The following GSE1 variants were observed in gnomAD, a reference collection of about 807,000 sequenced individuals.
GSE1 encodes the protein genetic suppressor element 1.
A neutral mutation model predicts 112.6 loss-of-function variants in GSE1; 32 were observed. The observed-to-expected ratio is 0.28, with a 90% CI of 0.21 to 0.38. The LOEUF is 0.38. GSE1 is among the 10% of genes least tolerant of loss of function. The pLI, the probability that GSE1 is intolerant of heterozygous loss-of-function variation, is 1.00. For synonymous variants in GSE1, 1,115 were observed against 735.6 expected, an observed-to-expected ratio of 1.52 and a Z score of -8.35; for missense variants, 2,348 against 1,699.2, an observed-to-expected ratio of 1.38 and a Z score of -6.71.
In GSE1 at chr16:85,520,551, A is replaced by G. The variant is rs563271155; in HGVS notation, c.2465-113363A>G. ...ATTCTCCTGCCTCAGCCTCCCAGGT[A>G]GCTGGGATTACAGGCGCCCACCACC... On this transcript the variant is annotated intron_variant, in intron 2 of 2. Transcript: ENST00000637419. Among the ~76,000 whole-genome samples, 5 of 151,364 alleles carry G rather than the reference A, an allele frequency of 3.3e-5. No homozygotes were observed. The East Asian group carries it at 5.8e-4, about 18-fold the overall frequency.
At chr16:85,199,479 AAC>A (rs538882442) in intron 1 of GSE1, among the ~76,000 whole-genome samples, 329 of 152,236 alleles carry the variant, frequency 2.2e-3, no homozygotes, top group African/African-American at 7.6e-3. Context: ...TTAAAATGTA[AAC>A]ACCCTCTCCA....
chr16:85,416,883 TC>T (rs1168020680), intron 2 of GSE1, among the ~76,000 whole-genome samples: 1 of 152,058 alleles, frequency 6.6e-6, no homozygotes, highest in Non-Finnish European at 1.5e-5. Context: ...TGAGGCAGAG[TC>T]TCACTCTGTC....
At chr16:85,431,326 C>G (rs1367909893) in intron 2 of GSE1, among the ~76,000 whole-genome samples, 5 of 152,228 alleles carry the variant, frequency 3.3e-5, no homozygotes, top group African/African-American at 1.2e-4. Flanking sequence ...CCCGCGGTGC[C>G]GCATGATGGC....
chr16:85,433,988 T>C (rs1567483464), intron 2 of GSE1, among the ~76,000 whole-genome samples: 2 of 152,120 alleles, frequency 1.3e-5, no homozygotes, highest in Non-Finnish European at 2.9e-5. Flanking sequence ...GGGGACTAAC[T>C]AGCTCCAGCC....
At position 85,673,250 on chromosome 16, in the gene GSE1, T is replaced by C. The variant is rs2152035724; in HGVS notation, c.*711T>C. On this transcript the variant is annotated 3_prime_UTR_variant, in exon 16 of 16. Transcript: ENST00000253458. The stretch of plus-strand genomic sequence containing the variant: ...ACACAGCTTCACACCCACCAGATTG[T>C]TACTACAGTGGGTTGGGTTTTCATA... 1 of 152,722 alleles carries C rather than the reference T, an allele frequency of 6.5e-6. No individual in the cohort carries two copies. Among genetic ancestry groups the C allele is most frequent in the Non-Finnish European group, 1.5e-5 (1 of 68,030 alleles). 9.5% of individuals were successfully genotyped at this position (152,722 alleles called of 1,614,324 possible).
At chr16:85,360,040 AT>A (rs1020670126) in intron 2 of GSE1, among the ~76,000 whole-genome samples, 3 of 151,974 alleles carry the variant, frequency 2.0e-5, no homozygotes, top group Non-Finnish European at 4.4e-5. Flanking sequence ...TCTCAAAAAA[AT>A]TTTTTTTAAT....
At chr16:85,376,977 G>A (rs1046865844) in intron 2 of GSE1, among the ~76,000 whole-genome samples, 8 of 152,246 alleles carry the variant, frequency 5.3e-5, no homozygotes, top group Non-Finnish European at 8.8e-5. Context: ...GCGGGTGGCC[G>A]TTTGGCCAGA....
At position 85,360,975 on chromosome 16, in the gene GSE1, C is replaced by T. The variant is rs574864325; in HGVS notation, c.2464+3332C>T. 1.6e-4 allele frequency among the ~76,000 whole-genome samples: 24 copies of T among 152,150 alleles called. No homozygotes were observed. The South Asian group carries it at 2.3e-3, about 14-fold the overall frequency. Reference sequence around the variant, plus strand: ...CCCTGTCTGCACCACAAACATACCACACACAGCCACACACACAGAAGCCAA... The same window carrying T: ...CCCTGTCTGCACCACAAACATACCATACACAGCCACACACACAGAAGCCAA... On this transcript the variant is annotated intron_variant, in intron 2 of 2. Transcript: ENST00000637419.
intron 1 of GSE1, among the ~76,000 whole-genome samples, chr16:85,558,876 G>A (rs1028717727): frequency 1.3e-5 from 2 of 151,782 alleles, no homozygotes; most frequent in Admixed American, 6.6e-5. Context: ...TTTATTTTTT[G>A]AGATGGAGTC....
At chr16:85,188,423 C>G (rs1459463932) in intron 1 of GSE1, among the ~76,000 whole-genome samples, 5 of 152,142 alleles carry the variant, frequency 3.3e-5, no homozygotes, top group Admixed American at 6.5e-5. Flanking sequence ...TCTCACTGTT[C>G]TGGAGAGCTG....
At chr16:85,432,820 A>G (rs1597737917) in intron 2 of GSE1, among the ~76,000 whole-genome samples, 1 of 152,020 alleles carries the variant, frequency 6.6e-6, no homozygotes, top group African/African-American at 2.4e-5. Context: ...ACAGGTGAGG[A>G]TGGAGCTGGG....
Position 85,666,367 on chromosome 16 carries a change from C to G in GSE1, c.3130+20C>G. 1 of 1,612,740 alleles carries G rather than the reference C, an allele frequency of 6.2e-7. No homozygotes were observed. Among genetic ancestry groups the G allele is most frequent in the Non-Finnish European group, 8.5e-7 (1 of 1,179,880 alleles). The stretch of plus-strand genomic sequence containing the variant: ...ATAAAGGTAATGAGGCTGCCAGTCC[C>G]TGCTCAGCTCTCGGCTGTGGTTGAG... On this transcript the variant is annotated intron_variant, in intron 13 of 15. Transcript: ENST00000253458.
chr16:85,225,798 A>C (rs1339491516), intron 1 of GSE1, among the ~76,000 whole-genome samples: 3 of 152,224 alleles, frequency 2.0e-5, no homozygotes, highest in Non-Finnish European at 4.4e-5. Flanking sequence ...TGTAGCCTAA[A>C]ACAATAAATC....
chr16:85,257,556 T>C (rs1001188029), intron 1 of GSE1, among the ~76,000 whole-genome samples: 4 of 152,184 alleles, frequency 2.6e-5, no homozygotes, highest in African/African-American at 9.7e-5. Context: ...TAATGAAAAA[T>C]GAAATCACAT....
intron 2 of GSE1, among the ~76,000 whole-genome samples, chr16:85,397,376 A>C (rs553807224): frequency 1.3e-4 from 20 of 152,198 alleles, no homozygotes; most frequent in Non-Finnish European, 2.4e-4. Flanking sequence ...GCAGGTGCTG[A>C]GCCGTCTCCT....
chr16:85,491,497 G>A (rs762782235), intron 2 of GSE1, among the ~76,000 whole-genome samples: 10 of 152,182 alleles, frequency 6.6e-5, no homozygotes, highest in Non-Finnish European at 1.3e-4. Flanking sequence ...AGATGACTTG[G>A]GGGGCCAGGG....
At position 85,654,958 on chromosome 16, in the gene GSE1, T is replaced by C. The variant is rs766111515; in HGVS notation, c.764T>C (p.Leu255Pro). ...GCAGCCTACTACCACCCCAGCTACC[T>C]GGCCCCACACCCCTTCCCCCACCCG... Reference protein sequence around the residue: ...TAAAYYHPSYLAPHPFPHPAF... With the variant: ...TAAAYYHPSYPAPHPFPHPAF... Residue 255 changes from leucine (L) to proline (P), a missense_variant, in exon 5 of 16, where the codon CTG (leucine) becomes CCG (proline). By Grantham distance (98) the Leu-to-Pro change is moderately conservative. Transcript: ENST00000253458. 6.2e-7 allele frequency: 1 copy of C among 1,607,342 alleles called. No individual in the cohort carries two copies. The highest frequency in any genetic ancestry group is 8.5e-7 in the Non-Finnish European group (1 of 1,178,232).
chr16:85,605,081 T>C (rs551967164), intron 1 of GSE1, among the ~76,000 whole-genome samples: 4 of 150,832 alleles, frequency 2.7e-5, no homozygotes, highest in Admixed American at 1.3e-4. Flanking sequence ...CCTCCCAAAG[T>C]GTTGGGATTA....
chr16:85,574,734 G>T lies in GSE1; in HGVS notation c.37+18371G>T, dbSNP rs562335874. Reference sequence around the variant, plus strand: ...AAACACTGTGTCCTGTCCGCTGGTGGCTCTGCTGAGATTTGGCTGGTCTCC... The same window carrying T: ...AAACACTGTGTCCTGTCCGCTGGTGTCTCTGCTGAGATTTGGCTGGTCTCC... On this transcript the variant is annotated intron_variant, in intron 1 of 2. Coordinates refer to the GSE1 transcript ENST00000635906. Among the ~76,000 whole-genome samples the T allele has an allele frequency of 1.0e-3, 157 of 152,364 alleles. 1 individual carries two copies. Among genetic ancestry groups the T allele is most frequent in the Non-Finnish European group, 1.9e-3 (126 of 68,036 alleles).
Sources: allele counts gnomAD v4.1 joint callset (sites outside exome capture counted in the v4.1 genomes callset), GRCh38; gene constraint gnomAD v4.1.1; transcripts MANE v1.5; gene names NCBI Gene and HGNC (gene_info 2026-07-23, HGNC 2026-07-21).